Variants in CCDC60 observed in about 807,000 individuals in gnomAD.
CCDC60 encodes the protein coiled-coil domain containing 60.
A neutral mutation model predicts 63.5 loss-of-function variants in CCDC60; 54 were observed. The ratio of observed to expected loss-of-function variants is 0.85; its 90% CI spans 0.68 to 1.07. CCDC60 has a LOEUF of 1.07. CCDC60 is among the 50% of genes least tolerant of loss of function. CCDC60 has a pLI of 0.00. For synonymous variants in CCDC60, 206 were observed against 238.8 expected (o/e 0.86, Z 1.27); for missense variants, 651 against 684.3 (o/e 0.95, Z 0.54).
chr12:119,473,139 T>A (rs1045798091), intron 3 of CCDC60, among the ~76,000 whole-genome samples: 2 of 152,172 alleles, frequency 1.3e-5, no homozygotes, highest in African/African-American at 4.8e-5. Flanking sequence ...GGTCAGTAGT[T>A]AGAAAGCAGC....
chr12:119,516,879 T>G (rs181737229), intron 8 of CCDC60, among the ~76,000 whole-genome samples, 172 bp downstream of exon 8: 1 of 152,350 alleles, frequency 6.6e-6, no homozygotes, highest in Admixed American at 6.5e-5. Flanking sequence ...GGTACTATTA[T>G]CTTTATTTTA....
At chr12:119,376,940 G>C (rs916385600) in intron 1 of CCDC60, among the ~76,000 whole-genome samples, 8 of 151,974 alleles carry the variant, frequency 5.3e-5, no homozygotes, top group African/African-American at 1.9e-4. Flanking sequence ...TAGACAATGT[G>C]GATGGAGACT....
intron 5 of CCDC60, among the ~76,000 whole-genome samples, chr12:119,491,241 A>T (rs1410283303): frequency 3.3e-5 from 5 of 152,218 alleles, no homozygotes; most frequent in Non-Finnish European, 7.3e-5. Flanking sequence ...TTCTTTATTA[A>T]CAGACACTGA....
intron 1 of CCDC60, among the ~76,000 whole-genome samples, chr12:119,341,092 T>A (rs1955527296): frequency 6.6e-6 from 1 of 152,176 alleles, no homozygotes; most frequent in South Asian, 2.1e-4. Context: ...TTAGGTGGTT[T>A]GTTTGGTTTT....
At chr12:119,484,370 T>C (rs2136361502) in intron 4 of CCDC60, among the ~76,000 whole-genome samples, 1 of 152,030 alleles carries the variant, frequency 6.6e-6, no homozygotes, top group South Asian at 2.1e-4. Flanking sequence ...GTTGTTCTGT[T>C]GTTGTTGTTT....
chr12:119,438,654 C>T (rs1442311506), intron 2 of CCDC60, among the ~76,000 whole-genome samples: 2 of 152,192 alleles, frequency 1.3e-5, no homozygotes, highest in South Asian at 2.1e-4. Context: ...GAATATATGA[C>T]TAGACCAATA....
chr12:119,515,050 G>A (rs1918415), intron 7 of CCDC60, among the ~76,000 whole-genome samples: 1,898 of 152,298 alleles, frequency 0.012, 34 homozygotes, highest in African/African-American at 0.043. Flanking sequence ...ATGCCCAGGT[G>A]TATAGTAAGC....
intron 1 of CCDC60, among the ~76,000 whole-genome samples, chr12:119,364,923 A>G (rs894138120): frequency 3.3e-5 from 5 of 152,152 alleles, no homozygotes; most frequent in Non-Finnish European, 7.3e-5. Context: ...GGAGTGAATG[A>G]TGTGAAGATG....
chr12:119,467,869 C>G (rs1211902877), intron 2 of CCDC60, among the ~76,000 whole-genome samples: 3 of 152,240 alleles, frequency 2.0e-5, no homozygotes, highest in Admixed American at 2.0e-4. Context: ...AGTTCCCTTG[C>G]AGCTTCAGGA....
chr12:119,355,052 T>C (rs1056958309), intron 1 of CCDC60, among the ~76,000 whole-genome samples: 1 of 152,218 alleles, frequency 6.6e-6, no homozygotes, highest in Non-Finnish European at 1.5e-5. Context: ...ATTTTCTTCC[T>C]GTTTGACCCT....
Position 119,538,556 on chromosome 12 carries a change from T to C in CCDC60, c.1552-2058T>C, listed in dbSNP as rs186588115. Among the ~76,000 whole-genome samples the C allele has an allele frequency of 7.9e-5, 12 of 152,330 alleles. No individual in the cohort carries two copies. The East Asian group carries it at 1.7e-3, about 22-fold the overall frequency. ...CCTATTCGGCCATCTTGGAACAGAC[T>C]CCTAAACTGGTTATTCTAGTTAGCA... On this transcript the variant is annotated intron_variant, in intron 13 of 13. Transcript: ENST00000327554.
At chr12:119,496,532 C>T (rs1427458701) in intron 5 of CCDC60, among the ~76,000 whole-genome samples, 2 of 152,210 alleles carry the variant, frequency 1.3e-5, no homozygotes, top group Non-Finnish European at 1.5e-5. Flanking sequence ...TCAGCTCCTC[C>T]TCTAAGCCAC....
intron 1 of CCDC60, among the ~76,000 whole-genome samples, chr12:119,375,813 G>A (rs1471354247): frequency 1.3e-5 from 2 of 152,192 alleles, no homozygotes; most frequent in African/African-American, 2.4e-5. Flanking sequence ...GGGGAAGTGG[G>A]TGAGCCAGAA....
intron 1 of CCDC60, among the ~76,000 whole-genome samples, chr12:119,392,062 ATAAG>A (rs1956169228): frequency 6.6e-6 from 1 of 152,234 alleles, no homozygotes; most frequent in Admixed American, 6.5e-5. Flanking sequence ...CCCCTCAATC[ATAAG>A]TAACATAAAC....
At chr12:119,458,941 T>C (rs879040316) in intron 2 of CCDC60, among the ~76,000 whole-genome samples, 1 of 151,948 alleles carries the variant, frequency 6.6e-6, no homozygotes, top group Non-Finnish European at 1.5e-5. Flanking sequence ...AGAGACAGAG[T>C]TTCACCATGT....
At chr12:119,369,564 A>T (rs1435929276) in intron 1 of CCDC60, among the ~76,000 whole-genome samples, 2 of 152,198 alleles carry the variant, frequency 1.3e-5, no homozygotes, top group Non-Finnish European at 2.9e-5. Context: ...AGTGGTTAAG[A>T]ATATGGACTT....
intron 2 of CCDC60, among the ~76,000 whole-genome samples, chr12:119,464,695 T>G (rs1950920033): frequency 6.6e-6 from 1 of 152,154 alleles, no homozygotes; most frequent in Admixed American, 6.5e-5. Context: ...ATCAGAAGAC[T>G]GATGAAACTG....
chr12:119,379,194 A>G (rs1955984897), intron 1 of CCDC60, among the ~76,000 whole-genome samples: 1 of 152,264 alleles, frequency 6.6e-6, no homozygotes, highest in Non-Finnish European at 1.5e-5. Flanking sequence ...ATCATGAAAC[A>G]CATATGCCAA....
intron 6 of CCDC60, among the ~76,000 whole-genome samples, chr12:119,502,395 C>CA (rs1442430841): frequency 6.6e-6 from 1 of 152,086 alleles, no homozygotes; most frequent in Non-Finnish European, 1.5e-5. Context: ...CCTCCGTTGC[C>CA]AAAAATCAGT....
Sources: gnomAD v4.1 joint callset for allele counts (sites outside exome capture counted in the v4.1 genomes callset) on GRCh38, gnomAD v4.1.1 for gene constraint, MANE v1.5 for transcripts, NCBI Gene and HGNC (gene_info 2026-07-23, HGNC 2026-07-21) for gene names.